The following PRKN variants were observed in gnomAD, a reference collection of about 807,000 sequenced individuals.
PRKN encodes the protein parkin RBR E3 ubiquitin protein ligase, also known as E3 ubiquitin-protein ligase parkin.
Under a neutral mutation model 59.5 loss-of-function variants are expected in PRKN, and 56 were observed. The ratio of observed to expected loss-of-function variants is 0.94; its 90% CI spans 0.76 to 1.18. The LOEUF (loss-of-function observed/expected upper bound fraction) is 1.18, where lower values mean the gene tolerates loss of function less well. Among genes scored for constraint, PRKN ranks in the 50% most tolerant of loss-of-function variants. The pLI, the probability that PRKN is intolerant of heterozygous loss-of-function variation, is 0.00. For missense variants in PRKN, 657 were observed against 596.4 expected (o/e 1.10, Z -1.06); for synonymous variants, 250 against 222.1 (o/e 1.13, Z -1.12).
intron 1 of PRKN, among the ~76,000 whole-genome samples, chr6:162,677,361 TA>T (rs1779593007): frequency 6.7e-6 from 1 of 149,706 alleles, no homozygotes; most frequent in East Asian, 2.0e-4. Context: ...ACCTTTCGAA[TA>T]AAATTATTTC....
In PRKN at chr6:162,331,257, C is replaced by A. The variant is rs7760305; in HGVS notation, c.172-68492G>T. On this transcript the variant is annotated intron_variant, in intron 2 of 11. Transcript: ENST00000366898. ...CATAATTCAATCGCTCCCAACCAGG[C>A]CCCTCCTCCAGCAATGGGAATTACA... 4.1e-3 allele frequency among the ~76,000 whole-genome samples: 628 copies of A among 152,150 alleles called. 2 individuals carry two copies. The highest frequency in any genetic ancestry group is 0.014 in the African/African-American group (602 of 41,524).
At chr6:161,437,073 G>A (rs1216067695) in intron 9 of PRKN, among the ~76,000 whole-genome samples, 1 of 152,092 alleles carries the variant, frequency 6.6e-6, no homozygotes, top group East Asian at 1.9e-4. Flanking sequence ...TATATATGCT[G>A]TTTTTTCCTA....
Position 161,360,262 on chromosome 6 carries a change from G to C in PRKN, c.1168-57C>G, listed in dbSNP as rs1784924797. On this transcript the variant is annotated intron_variant, in intron 10 of 11. Coordinates refer to ENST00000366898, the MANE Select transcript of PRKN (RefSeq NM_004562.3). This position sits in a 1 kb window ranked among gnomAD's most constrained non-coding sequence, Gnocchi z 5.1. The stretch of plus-strand genomic sequence containing the variant: ...TCAGCTTTCTATTACTGGGATCAGA[G>C]TTTATGTTCCCTGTACGTCGGTACA... 6.0e-6 allele frequency: 8 copies of C among 1,334,306 alleles called. No individual in the cohort carries two copies. Among genetic ancestry groups the C allele is most frequent in the Non-Finnish European group, 8.7e-6 (8 of 924,106 alleles). The allele number at this position is 1,334,306 out of a possible 1,614,324, so 82.7% of individuals were successfully genotyped here. A position where few individuals can be genotyped will look rare whatever the true frequency, so the allele number is the denominator to read the frequency against.
chr6:162,085,894 G>A (rs1779226794), intron 4 of PRKN, among the ~76,000 whole-genome samples: 1 of 151,374 alleles, frequency 6.6e-6, no homozygotes, highest in Non-Finnish European at 1.5e-5. Flanking sequence ...AGTGACAGGG[G>A]AAGCAACATA....
chr6:161,393,218 G>A lies in PRKN; in HGVS notation c.1084-6341C>T, dbSNP rs956917884. Reference sequence around the variant, plus strand: ...ATAGTTTTCTCCATGGGGCTATGATGTTTAACAAGTGGTAAGAGTCTGTAG... The same window carrying A: ...ATAGTTTTCTCCATGGGGCTATGATATTTAACAAGTGGTAAGAGTCTGTAG... On this transcript the variant is annotated intron_variant, in intron 9 of 11. Transcript: ENST00000366898. This position sits in a 1 kb window ranked among gnomAD's most constrained non-coding sequence, Gnocchi z 4.7. 1.3e-5 allele frequency among the ~76,000 whole-genome samples: 2 copies of A among 151,866 alleles called. No individual in the cohort carries two copies. Among genetic ancestry groups the A allele is most frequent in the Non-Finnish European group, 2.9e-5 (2 of 67,902 alleles).
intron 9 of PRKN, among the ~76,000 whole-genome samples, chr6:161,431,901 C>G (rs1788663360): frequency 1.3e-5 from 2 of 152,230 alleles, no homozygotes; most frequent in African/African-American, 4.8e-5. Flanking sequence ...AGGCGTGAGC[C>G]ACTGCATCCG....
At chr6:161,567,926 G>T (rs926808030) in intron 8 of PRKN, among the ~76,000 whole-genome samples, 2 of 152,184 alleles carry the variant, frequency 1.3e-5, no homozygotes, top group African/African-American at 4.8e-5. Context: ...GTGAGATCCA[G>T]GTGTCTTCAC....
At chr6:161,914,955 T>C (rs933384950) in intron 6 of PRKN, among the ~76,000 whole-genome samples, 1 of 152,134 alleles carries the variant, frequency 6.6e-6, no homozygotes, top group Non-Finnish European at 1.5e-5. Context: ...GGGAGAAAAG[T>C]AGGCAGATAT....
chr6:162,366,467 T>C (rs913626454), intron 2 of PRKN, among the ~76,000 whole-genome samples: 12 of 152,188 alleles, frequency 7.9e-5, no homozygotes, highest in African/African-American at 2.9e-4. Flanking sequence ...TGGACATTTC[T>C]TTAAATTTTC....
At chr6:162,615,919 T>C (rs1782389652) in intron 1 of PRKN, among the ~76,000 whole-genome samples, 1 of 152,168 alleles carries the variant, frequency 6.6e-6, no homozygotes, top group South Asian at 2.1e-4. Flanking sequence ...AGTATATAAA[T>C]TAATATTTAA....
intron 5 of PRKN, among the ~76,000 whole-genome samples, chr6:161,983,905 A>T (rs1781337793): frequency 1.3e-5 from 2 of 150,852 alleles, no homozygotes; most frequent in African/African-American, 4.9e-5. Flanking sequence ...TTAGAGTATA[A>T]TAAAAAAAAA....
chr6:161,656,637 C>A (rs1263597367), intron 7 of PRKN, among the ~76,000 whole-genome samples: 3 of 152,136 alleles, frequency 2.0e-5, no homozygotes, highest in Non-Finnish European at 4.4e-5. Flanking sequence ...AAATCTCTGT[C>A]TCTAGCCCCA....
At chr6:161,921,305 T>C (rs1175216339) in intron 6 of PRKN, among the ~76,000 whole-genome samples, 2 of 152,302 alleles carry the variant, frequency 1.3e-5, no homozygotes, top group African/African-American at 2.4e-5. Context: ...GACCTGTCAT[T>C]TCCTATAACA....
chr6:162,308,411 A>G (rs1471325124), intron 2 of PRKN, among the ~76,000 whole-genome samples: 1 of 152,176 alleles, frequency 6.6e-6, no homozygotes, highest in Non-Finnish European at 1.5e-5. Flanking sequence ...TGGGAAAACA[A>G]TTGATGTCAG....
In PRKN at chr6:162,395,990, C is replaced by G. The variant is rs557687890; in HGVS notation, c.171+47320G>C. Among the ~76,000 whole-genome samples the G allele has an allele frequency of 1.3e-5, 2 of 152,304 alleles. 1 individual carries two copies. Among genetic ancestry groups the G allele is most frequent in the South Asian group, 4.1e-4 (2 of 4,830 alleles). On this transcript the variant is annotated intron_variant, in intron 2 of 11. Transcript: ENST00000366898. Reference sequence around the variant, plus strand: ...CACCTTTTCTGGTATACAGTAAAAGCTCAGTAAATGTTGGAGACAGGAATA... The same window carrying G: ...CACCTTTTCTGGTATACAGTAAAAGGTCAGTAAATGTTGGAGACAGGAATA...
chr6:161,986,737 G>C (rs2128256322), intron 5 of PRKN, among the ~76,000 whole-genome samples: 1 of 151,654 alleles, frequency 6.6e-6, no homozygotes, highest in Middle Eastern at 3.4e-3. Flanking sequence ...CCATTGTGCT[G>C]TTTATTTGGA....
Position 161,597,833 on chromosome 6 carries a change from T to TGC in PRKN, c.872-28419_872-28418dup, listed in dbSNP as rs561760228. On this transcript the variant is annotated intron_variant, in intron 7 of 11. Coordinates refer to ENST00000366898, the MANE Select transcript of PRKN (RefSeq NM_004562.3). The stretch of plus-strand genomic sequence containing the variant: ...AAAAGGTCTGTCCTCTGATCCAGCG[T>TGC]GCGCACACACACACACACACACACA... 7.5e-3 allele frequency among the ~76,000 whole-genome samples: 675 copies of TGC among 90,276 alleles called. 4 individuals carry two copies. Among genetic ancestry groups the TGC allele is most frequent in the African/African-American group, 0.022 (354 of 16,336 alleles). The allele number at this position is 90,276 out of a possible 152,430, so 59.2% of individuals were successfully genotyped here. A position where few individuals can be genotyped will look rare whatever the true frequency, so the allele number is the denominator to read the frequency against.
chr6:162,161,711 A>G (rs976772853), intron 4 of PRKN, among the ~76,000 whole-genome samples: 3 of 152,152 alleles, frequency 2.0e-5, no homozygotes, highest in Non-Finnish European at 4.4e-5. Flanking sequence ...TTCTGACCTA[A>G]CACTACGTCA....
intron 5 of PRKN, among the ~76,000 whole-genome samples, chr6:162,012,307 ATCT>A (rs1450840467): frequency 6.6e-6 from 1 of 152,088 alleles, no homozygotes; most frequent in African/African-American, 2.4e-5. Context: ...CGTTTAGTTT[ATCT>A]TCTTCTCTCA....
Sources: gnomAD v4.1 joint callset for allele counts (sites outside exome capture counted in the v4.1 genomes callset) on GRCh38, gnomAD v4.1.1 for gene constraint, Gnocchi (gnomAD v3.1) non-coding constraint, MANE v1.5 for transcripts, NCBI Gene and HGNC (gene_info 2026-07-23, HGNC 2026-07-21) for gene names.